FBXL12: variants seen among roughly 807,000 people sequenced by gnomAD.
FBXL12 encodes F-box and leucine rich repeat protein 12, also known as F-box/LRR-repeat protein 12.
A neutral mutation model predicts 24.9 loss-of-function variants in FBXL12; 22 were observed. That is an observed-to-expected ratio of 0.88 (90% CI 0.63 to 1.26). FBXL12 has a LOEUF of 1.26. Ranked by LOEUF, FBXL12 falls within the 50% of genes most tolerant of loss-of-function variation. The probability of loss-of-function intolerance (pLI) is 0.00; values close to 1 mark genes in which losing one functional copy is unlikely to be tolerated. For synonymous variants in FBXL12, 193 were observed against 193.8 expected (o/e 1.00, Z 0.03); for missense variants, 384 against 434.1 (o/e 0.88, Z 1.03).
At chr19:9,813,193 T>A (rs2045798955) in intron 2 of FBXL12, 3 of 1,171,552 alleles carry the variant, frequency 2.6e-6, no homozygotes, top group Non-Finnish European at 3.2e-6. Flanking sequence ...TCATTCTAAG[T>A]ACAGTTTATC....
At position 9,811,039 on chromosome 19, in the gene FBXL12, T is replaced by C. The variant is rs752600024; in HGVS notation, c.838A>G (p.Thr280Ala). The change falls in exon 3 of 3, where the codon ACT (threonine) becomes GCT (alanine). Residue 280 changes from threonine (T) to alanine (A), a missense_variant. Coordinates refer to ENST00000247977, the MANE Select transcript of FBXL12 (RefSeq NM_017703.3). The surrounding 1 kb of genome is among the most constrained non-coding windows in gnomAD (Gnocchi z 6.0). Reference sequence around the variant, plus strand: ...TCAAGGACTCTGAGCTTGGGCATAGTGAGGCAGGAGGAGAGGATTTCAGTG... The same window carrying C: ...TCAAGGACTCTGAGCTTGGGCATAGCGAGGCAGGAGGAGAGGATTTCAGTG... ...SPTEILSSCLTMPKLRVLELQ... is the reference protein window; with the variant it reads ...SPTEILSSCLAMPKLRVLELQ... 3.1e-6 allele frequency: 5 copies of C among 1,613,130 alleles called. No homozygotes were observed. In the African/African-American group the frequency reaches 4.0e-5, roughly 13 times the overall value.
At chr19:9,817,796 T>C (rs2045913945) in intron 2 of FBXL12, among the ~76,000 whole-genome samples, 1 of 152,204 alleles carries the variant, frequency 6.6e-6, no homozygotes, top group Non-Finnish European at 1.5e-5. Context: ...CAGAAATACA[T>C]TACTAACACT....
At chr19:9,818,217 A>G in intron 2 of FBXL12, 1 of 430,996 alleles carries the variant, frequency 2.3e-6, no homozygotes, top group Non-Finnish European at 4.1e-6. Context: ...CAAAACAAAA[A>G]CTTGATAACA....
At chr19:9,816,906 C>T (rs546309895) in intron 2 of FBXL12, among the ~76,000 whole-genome samples, 1 of 152,104 alleles carries the variant, frequency 6.6e-6, no homozygotes, top group South Asian at 2.1e-4. Flanking sequence ...AAAATCATGG[C>T]GGGAGGTGAA....
chr19:9,812,977 G>A (rs1011212668), intron 2 of FBXL12, among the ~76,000 whole-genome samples: 3 of 152,100 alleles, frequency 2.0e-5, no homozygotes, highest in Admixed American at 6.5e-5. Context: ...GGAGGCTGAG[G>A]CAGGAGAATC....
chr19:9,813,362 G>T, intron 2 of FBXL12: 1 of 888,630 alleles, frequency 1.1e-6, no homozygotes, highest in South Asian at 5.8e-5. Flanking sequence ...TTTTGAGACG[G>T]AGTTTTGCTT....
Position 9,811,381 on chromosome 19 carries a change from C to CA in FBXL12, c.495dup (p.Asp166Ter). On this transcript the variant is annotated frameshift_variant, in exon 3 of 3. Coordinates refer to ENST00000247977, the MANE Select transcript of FBXL12 (RefSeq NM_017703.3). LOFTEE classifies it high-confidence loss of function. This position sits in a 1 kb window ranked among gnomAD's most constrained non-coding sequence, Gnocchi z 6.0. ...CGCGTCAGGCCCTGCAGGTGCTCGT[C>CA]ACGGAAGGCGGGGACGCGGTCCAGC... is the stretch of plus-strand genomic sequence containing the variant. The CA allele has an allele frequency of 1.2e-6, 2 of 1,612,632 alleles. No homozygotes were observed. Among genetic ancestry groups the CA allele is most frequent in the Non-Finnish European group, 1.7e-6 (2 of 1,179,944 alleles).
At chr19:9,818,523 C>T in intron 2 of FBXL12, 22 bp downstream of exon 2, 4 of 1,538,782 alleles carry the variant, frequency 2.6e-6, no homozygotes, top group East Asian at 2.4e-5. Context: ...CGGCCCAGGC[C>T]CGCCCGGCCA....
chr19:9,816,292 T>C (rs893365924), intron 2 of FBXL12, among the ~76,000 whole-genome samples: 7 of 152,224 alleles, frequency 4.6e-5, no homozygotes, highest in Admixed American at 4.6e-4. Flanking sequence ...AATTTCTCCC[T>C]AGAAAATGGG....
rs780405734 is a variant in FBXL12 at position 9,810,980 on chromosome 19, C to T, written c.897G>A (p.Ala299=). 1.1e-5 allele frequency: 17 copies of T among 1,613,310 alleles called. No homozygotes were observed. Among genetic ancestry groups the T allele is most frequent in the Admixed American group, 5.0e-5 (3 of 59,986 alleles). Residue 299 remains alanine (A), a synonymous_variant, in exon 3 of 3, where the codon GCG becomes GCA. Transcript: ENST00000247977. ...LQGLGWEGQE[A]EKILCKGLPH... is the part of the protein sequence containing the mutation. ...GCAGCCCCTTACACAGGATCTTCTC[C>T]GCCTCCTGACCCTCCCACCCCAGCC...
chr19:9,814,695 C>CA (rs977095403), intron 2 of FBXL12: 7,992 of 44,956 alleles, frequency 0.18, 554 homozygotes, highest in African/African-American at 0.24. Flanking sequence ...GACTCCATCT[C>CA]AAAAAAAAAA....
In FBXL12 at chr19:9,811,567, G is replaced by C; in HGVS notation, c.310C>G (p.Leu104Val). ...GCCACGTGCAGGCAGAGGCGCTTCAGGTTGGGGCACTTCTGGCCCAGGGCT... is the reference window on the plus strand; with the variant it reads ...GCCACGTGCAGGCAGAGGCGCTTCACGTTGGGGCACTTCTGGCCCAGGGCT... ...LRALGQKCPNLKRLCLHVADL... is the reference protein window; with the variant it reads ...LRALGQKCPNVKRLCLHVADL... The change falls in exon 3 of 3, where the codon CTG (leucine) becomes GTG (valine). Residue 104 changes from leucine (L) to valine (V), a missense_variant. Leu to Val is a conservative substitution (Grantham distance 32, BLOSUM62 1). Transcript: ENST00000247977. The surrounding 1 kb of genome is among the most constrained non-coding windows in gnomAD (Gnocchi z 6.0). 6.3e-7 allele frequency: 1 copy of C among 1,597,260 alleles called. No individual in the cohort carries two copies. The highest frequency in any genetic ancestry group is 8.5e-7 in the Non-Finnish European group (1 of 1,169,932).
At chr19:9,816,645 T>A (rs1292900337) in intron 2 of FBXL12, among the ~76,000 whole-genome samples, 1 of 152,186 alleles carries the variant, frequency 6.6e-6, no homozygotes, top group Non-Finnish European at 1.5e-5. Context: ...ACTCAACAAG[T>A]CTCTAGGAAG....
intron 2 of FBXL12, among the ~76,000 whole-genome samples, chr19:9,816,238 A>C (rs2045881346): frequency 6.6e-6 from 1 of 152,086 alleles, no homozygotes; most frequent in South Asian, 2.1e-4. Context: ...CCATGGTCCT[A>C]ATTAGGTTCC....
chr19:9,811,088 G>A lies in FBXL12; in HGVS notation c.789C>T (p.Leu263=), dbSNP rs368061983. 4.0e-4 allele frequency: 642 copies of A among 1,610,486 alleles called. 6 individuals carry two copies. The South Asian group carries it at 6.5e-3, about 16-fold the overall frequency. ...ALESLCLQGP[L]VTPEMPSPTE... ...TGGGGGAGGGCATTTCTGGGGTGAC[G>A]AGGGGACCCTGCAGGCACAGACTCT... The change falls in exon 3 of 3, where the codon CTC becomes CTT. Residue 263 remains leucine, a synonymous_variant. Transcript: ENST00000247977. This position sits in a 1 kb window ranked among gnomAD's most constrained non-coding sequence, Gnocchi z 6.0.
At chr19:9,812,207 C>T (rs760508113) in intron 2 of FBXL12, among the ~76,000 whole-genome samples, 3 of 152,106 alleles carry the variant, frequency 2.0e-5, no homozygotes, top group Non-Finnish European at 4.4e-5. Context: ...GGTCTACAGT[C>T]GTGAGCCACT....
At position 9,819,076 on chromosome 19, in the gene FBXL12, G is replaced by C. The variant is rs1038028626; in HGVS notation, c.-263C>G. ...TGATTTGGCCGCGACTGGGAACTAA[G>C]ACCAAGTCCAGAAGGCGGGGCTGGA... On this transcript the variant is annotated 5_prime_UTR_variant, in exon 1 of 3. Coordinates refer to ENST00000247977, the MANE Select transcript of FBXL12 (RefSeq NM_017703.3). The C allele has an allele frequency of 1.6e-5, 9 of 552,478 alleles. No homozygotes were observed. Among genetic ancestry groups the C allele is most frequent in the Non-Finnish European group, 2.9e-5 (9 of 308,010 alleles). The allele number at this position is 552,478 out of a possible 1,614,324, so 34.2% of individuals were successfully genotyped here.
In FBXL12 at chr19:9,811,334, C is replaced by T. The variant is rs761380923; in HGVS notation, c.543G>A (p.Leu181=). Residue 181 remains leucine (L), a synonymous_variant, in exon 3 of 3, where the codon CTG becomes CTA. Transcript: ENST00000247977. This position sits in a 1 kb window ranked among gnomAD's most constrained non-coding sequence, Gnocchi z 6.0. ...TCACACGGTAGGTACCACCCAGCAC[C>T]AGCGAGCGCAAGGCCCGGAAGCGCG... is the stretch of plus-strand genomic sequence containing the variant. ...GLTRFRALRS[L]VLGGTYRVTE... 3 of 1,609,552 alleles carry T rather than the reference C, an allele frequency of 1.9e-6. No homozygotes were observed. Among genetic ancestry groups the T allele is most frequent in the African/African-American group, 1.3e-5 (1 of 74,944 alleles).
chr19:9,811,250 C>G lies in FBXL12; in HGVS notation c.627G>C (p.Val209=). Residue 209 remains valine, a synonymous_variant, in exon 3 of 3, where the codon GTG becomes GTC. Coordinates refer to ENST00000247977, the MANE Select transcript of FBXL12 (RefSeq NM_017703.3). The surrounding 1 kb of genome is among the most constrained non-coding windows in gnomAD (Gnocchi z 6.0). The part of the protein sequence containing the change: ...QELSYLQRLE[V]LGCTLSADST... The stretch of plus-strand genomic sequence containing the variant: ...TGTCGGCAGACAGGGTGCAGCCCAG[C>G]ACCTCAAGCCTCTGCAGATAGCTGA... 1 of 1,612,100 alleles carries G rather than the reference C, an allele frequency of 6.2e-7. No individual in the cohort carries two copies. The highest frequency in any genetic ancestry group is 8.5e-7 in the Non-Finnish European group (1 of 1,179,994).
Sources: allele counts gnomAD v4.1 joint callset (sites outside exome capture counted in the v4.1 genomes callset), GRCh38; gene constraint gnomAD v4.1.1; non-coding constraint Gnocchi (gnomAD v3.1); transcripts MANE v1.5; gene names NCBI Gene and HGNC (gene_info 2026-07-23, HGNC 2026-07-21).